The following OR1F1 variants were observed in gnomAD, a reference collection of about 807,000 sequenced individuals.
The protein encoded by OR1F1 is olfactory receptor 1F1.
For missense variants in OR1F1, 493 were observed against 376.3 expected, an observed-to-expected ratio of 1.31 and a Z score of -2.57; for synonymous variants, 184 against 156.7, an observed-to-expected ratio of 1.17 and a Z score of -1.30.
chr16:3,188,587 G>C, the OR1F1 span: 456 of 152,262 alleles, frequency 3.0e-3, 1 homozygote, highest in Non-Finnish European at 4.3e-3. Flanking sequence ...GGGGAAGACC[G>C]GGCATCCGCG....
At chr16:3,206,494 G>A (rs1201402892), downstream of OR1F1, among the ~76,000 whole-genome samples, 1 of 152,102 alleles carries the variant, frequency 6.6e-6, no homozygotes, top group Non-Finnish European at 1.5e-5. Flanking sequence ...AAACCTCCTG[G>A]TTTTGCGGCT....
chr16:3,205,266 A>G (rs1358136750), downstream of OR1F1: 9 of 993,008 alleles, frequency 9.1e-6, no homozygotes, highest in Admixed American at 2.5e-5. Context: ...TGTTTCATTA[A>G]ATGATGTTCT....
exon 1 of OR1F1, chr16:3,204,785 A>G: frequency 6.2e-7 from 1 of 1,614,110 alleles, no homozygotes; most frequent in Non-Finnish European, 8.5e-7. Context: ...TTCTTCTGCG[A>G]TGTGACTCCC....
chr16:3,199,364 T>C (rs1958110274), upstream of OR1F1, among the ~76,000 whole-genome samples: 1 of 151,902 alleles, frequency 6.6e-6, no homozygotes, highest in African/African-American at 2.4e-5. Flanking sequence ...ATTAAATAGC[T>C]GGGCACAGTG....
chr16:3,197,687 G>A, the OR1F1 span, among the ~76,000 whole-genome samples: 6 of 134,960 alleles, frequency 4.4e-5, no homozygotes, highest in East Asian at 2.3e-4. Flanking sequence ...GAGAGGGAGA[G>A]GGAGAGGGAG....
At chr16:3,204,620 C>T (rs1220232754) in exon 1 of OR1F1, 1 of 1,614,048 alleles carries the variant, frequency 6.2e-7, no homozygotes, top group Non-Finnish European at 8.5e-7. Flanking sequence ...CACTTTGTCG[C>T]CGTGTGCCAC....
upstream of OR1F1, among the ~76,000 whole-genome samples, chr16:3,200,183 T>C (rs1184132939): frequency 6.6e-6 from 1 of 151,686 alleles, no homozygotes; most frequent in African/African-American, 2.4e-5. Context: ...ATGAGAGAGG[T>C]GTTACTAGTA....
the OR1F1 span, among the ~76,000 whole-genome samples, chr16:3,188,962 G>T: frequency 6.6e-6 from 1 of 152,204 alleles, no homozygotes. Context: ...GGCCTAAGCC[G>T]TCTTCTCCGA....
the OR1F1 span, among the ~76,000 whole-genome samples, chr16:3,189,239 C>T: frequency 3.3e-5 from 5 of 152,200 alleles, no homozygotes; most frequent in Admixed American, 6.5e-5. Context: ...TGAGGGACTG[C>T]AGCGTTTCCA....
At chr16:3,204,038 G>A (rs1452490254), upstream of OR1F1, among the ~76,000 whole-genome samples, 8 of 152,154 alleles carry the variant, frequency 5.3e-5, no homozygotes, top group East Asian at 9.6e-4. Context: ...AGGGTGCTCC[G>A]TGGATATAGC....
chr16:3,204,724 A>T (rs760094421), exon 1 of OR1F1: 2 of 1,613,844 alleles, frequency 1.2e-6, no homozygotes, highest in Admixed American at 1.7e-5. Flanking sequence ...CCTTCTGCAC[A>T]CCCTGCTGAT....
At chr16:3,204,229 G>A (rs1382181553), upstream of OR1F1, 2 of 1,566,198 alleles carry the variant, frequency 1.3e-6, no homozygotes, top group Non-Finnish European at 1.7e-6. Context: ...CTGCCTCTGT[G>A]TCCAGGATCC....
At chr16:3,203,502 A>C (rs1189705784), upstream of OR1F1, among the ~76,000 whole-genome samples, 1 of 152,248 alleles carries the variant, frequency 6.6e-6, no homozygotes, top group Non-Finnish European at 1.5e-5. Flanking sequence ...GTGGTGGCTC[A>C]CGCCTGTAAT....
upstream of OR1F1, among the ~76,000 whole-genome samples, chr16:3,199,512 G>T (rs550959200): frequency 1.3e-5 from 2 of 151,952 alleles, no homozygotes; most frequent in African/African-American, 4.8e-5. Context: ...AATTAGCCAG[G>T]TGTGTTGATG....
chr16:3,191,420 G>A, the OR1F1 span: 1 of 152,106 alleles, frequency 6.6e-6, no homozygotes. Flanking sequence ...CTGGTTTCTG[G>A]GGCTGATTCA....
chr16:3,195,586 G>A, the OR1F1 span, among the ~76,000 whole-genome samples: 1 of 150,870 alleles, frequency 6.6e-6, no homozygotes, highest in African/African-American at 2.4e-5. Flanking sequence ...GGAGGCTGAG[G>A]CAAGAGAATC....
downstream of OR1F1, among the ~76,000 whole-genome samples, chr16:3,205,469 C>T (rs981420028): frequency 1.3e-5 from 2 of 150,084 alleles, no homozygotes; most frequent in African/African-American, 4.9e-5. Flanking sequence ...GTGTGTGCCA[C>T]ATGCCTAGCT....
At chr16:3,198,458 G>A in the OR1F1 span, among the ~76,000 whole-genome samples, 1 of 152,190 alleles carries the variant, frequency 6.6e-6, no homozygotes, top group East Asian at 1.9e-4. Context: ...TTAAGCAGGG[G>A]AAATGCCTGA....
upstream of OR1F1, among the ~76,000 whole-genome samples, chr16:3,201,380 C>G (rs1159195251): frequency 2.6e-5 from 4 of 152,178 alleles, no homozygotes; most frequent in Admixed American, 2.6e-4. Flanking sequence ...TGTTTAGCTC[C>G]TGGGGGAACA....
Sources: gnomAD v4.1 joint callset for allele counts (sites outside exome capture counted in the v4.1 genomes callset) on GRCh38, gnomAD v4.1.1 for gene constraint, MANE v1.5 for transcripts, NCBI Gene and HGNC (gene_info 2026-07-23, HGNC 2026-07-21) for gene names.